AMOTL1: variants seen among roughly 807,000 people sequenced by gnomAD.
The protein encoded by AMOTL1 is angiomotin like 1, also known as angiomotin-like protein 1.
In AMOTL1, 45 loss-of-function variants were observed where a neutral mutation model predicts 102.9. That is an observed-to-expected ratio of 0.44 (90% CI 0.34 to 0.56). The LOEUF is 0.56. Ranked by LOEUF, AMOTL1 falls within the 20% of genes least tolerant of loss-of-function variation. AMOTL1 has a pLI of 0.01. For missense variants in AMOTL1, 1,114 were observed against 1,225.6 expected (o/e 0.91, Z 1.36); for synonymous variants, 481 against 484.7 (o/e 0.99, Z 0.10).
intron 1 of AMOTL1, among the ~76,000 whole-genome samples, chr11:94,775,804 C>G (rs1346774579): frequency 6.6e-6 from 1 of 152,200 alleles, no homozygotes; most frequent in East Asian, 1.9e-4. Flanking sequence ...TGTACCACAT[C>G]TCCCTTGGAG....
At chr11:94,757,621 G>A (rs938803265) in intron 3 of AMOTL1, among the ~76,000 whole-genome samples, 2 of 152,134 alleles carry the variant, frequency 1.3e-5, no homozygotes, top group African/African-American at 4.8e-5. Flanking sequence ...AGCAAATTCA[G>A]GCCACTAAGA....
At chr11:94,788,236 A>G (rs1951224909) in intron 1 of AMOTL1, among the ~76,000 whole-genome samples, 2 of 152,226 alleles carry the variant, frequency 1.3e-5, no homozygotes, top group Admixed American at 6.5e-5. Flanking sequence ...GGAAGGGAAC[A>G]TGGTAGGTAA....
chr11:94,737,067 G>A (rs766829299), intron 2 of AMOTL1, among the ~76,000 whole-genome samples: 14 of 152,180 alleles, frequency 9.2e-5, no homozygotes, highest in Non-Finnish European at 1.9e-4. Context: ...TTAACCCTCA[G>A]TTGATTAGGA....
intron 1 of AMOTL1, among the ~76,000 whole-genome samples, chr11:94,785,718 G>A (rs980927160): frequency 1.3e-5 from 2 of 152,184 alleles, no homozygotes; most frequent in Admixed American, 6.5e-5. Flanking sequence ...AATAGGGTCC[G>A]GAAAGCTGGA....
chr11:94,829,221 CTTT>C (rs1275329051), intron 4 of AMOTL1, among the ~76,000 whole-genome samples: 6 of 135,948 alleles, frequency 4.4e-5, no homozygotes, highest in Admixed American at 7.4e-5. Context: ...TCCATTAATC[CTTT>C]TTTTTTTTTT....
chr11:94,851,893 C>T (rs949430943), intron 7 of AMOTL1, among the ~76,000 whole-genome samples: 5 of 152,166 alleles, frequency 3.3e-5, no homozygotes, highest in Non-Finnish European at 7.3e-5. Context: ...TGCCTTCAAG[C>T]TTCTTGCAAT....
intron 1 of AMOTL1, among the ~76,000 whole-genome samples, chr11:94,712,807 G>A (rs990443423): frequency 6.6e-6 from 1 of 151,778 alleles, no homozygotes; most frequent in African/African-American, 2.4e-5. Flanking sequence ...CTCTTGAAAA[G>A]GTCTTTCACA....
upstream of AMOTL1, chr11:94,768,269 G>A (rs1334048563): frequency 1.5e-5 from 18 of 1,219,246 alleles, no homozygotes; most frequent in Non-Finnish European, 1.7e-5. Context: ...GCGCCACGGC[G>A]GGGGTGGAGT....
intron 1 of AMOTL1, among the ~76,000 whole-genome samples, chr11:94,771,219 C>A: frequency 8.4e-6 from 1 of 118,524 alleles, no homozygotes; most frequent in Admixed American, 1.1e-4. Flanking sequence ...AAAATTCCCC[C>A]AAAGTAACCT....
chr11:94,756,979 A>G (rs1198617156), intron 3 of AMOTL1, among the ~76,000 whole-genome samples: 1 of 100,568 alleles, frequency 9.9e-6, no homozygotes, highest in African/African-American at 3.6e-5. Context: ...TACCTAAAAT[A>G]CCTAACCTAG....
chr11:94,847,521 A>G (rs1952441621), intron 6 of AMOTL1, among the ~76,000 whole-genome samples: 1 of 152,178 alleles, frequency 6.6e-6, no homozygotes, highest in Non-Finnish European at 1.5e-5. Flanking sequence ...CATCATCGTC[A>G]TCAACAGCAT....
intron 3 of AMOTL1, among the ~76,000 whole-genome samples, chr11:94,821,142 A>G (rs1251987733): frequency 6.6e-6 from 1 of 152,142 alleles, no homozygotes; most frequent in East Asian, 1.9e-4. Context: ...CACCCCTCTC[A>G]GAGACTCCTT....
intron 4 of AMOTL1, among the ~76,000 whole-genome samples, chr11:94,824,306 T>A (rs1265554650): frequency 6.6e-6 from 1 of 152,206 alleles, no homozygotes; most frequent in Non-Finnish European, 1.5e-5. Flanking sequence ...AAAGCCAATT[T>A]TTTCCTCATC....
chr11:94,786,545 A>G (rs1231433155), intron 1 of AMOTL1, among the ~76,000 whole-genome samples: 1 of 150,808 alleles, frequency 6.6e-6, no homozygotes, highest in East Asian at 2.0e-4. Flanking sequence ...CTCAAGCTAC[A>G]GAATCCCTGT....
intron 1 of AMOTL1, among the ~76,000 whole-genome samples, chr11:94,788,875 T>G (rs79508883): frequency 0.049 from 7,399 of 152,318 alleles, 270 homozygotes; most frequent in Non-Finnish European, 0.074. Flanking sequence ...TCAACACACA[T>G]TCCACTTTCA....
At chr11:94,849,457 T>C (rs1187882232) in intron 6 of AMOTL1, among the ~76,000 whole-genome samples, 1 of 152,200 alleles carries the variant, frequency 6.6e-6, no homozygotes, top group Non-Finnish European at 1.5e-5. Flanking sequence ...ATACCAGCCT[T>C]GGCTTCCCAT....
At chr11:94,779,254 G>A (rs1240362837) in intron 1 of AMOTL1, among the ~76,000 whole-genome samples, 14 of 152,156 alleles carry the variant, frequency 9.2e-5, no homozygotes, top group Admixed American at 9.2e-4. Context: ...TATAGTTGAA[G>A]GCAAATATTT....
intron 9 of AMOTL1, among the ~76,000 whole-genome samples, chr11:94,863,957 C>G (rs2135735442): frequency 6.6e-6 from 1 of 152,306 alleles, no homozygotes; most frequent in East Asian, 1.9e-4. Flanking sequence ...TCTTTCTGTC[C>G]TGGACCCTGG....
intron 1 of AMOTL1, among the ~76,000 whole-genome samples, chr11:94,727,152 A>G (rs1346608496): frequency 1.3e-5 from 2 of 152,170 alleles, no homozygotes; most frequent in Non-Finnish European, 2.9e-5. Context: ...GTTAATCACT[A>G]AAGCCTATTT....
Sources: gnomAD v4.1 joint callset for allele counts (sites outside exome capture counted in the v4.1 genomes callset) on GRCh38, gnomAD v4.1.1 for gene constraint, MANE v1.5 for transcripts, NCBI Gene and HGNC (gene_info 2026-07-23, HGNC 2026-07-21) for gene names.